TMEM232: variants seen among roughly 807,000 people sequenced by gnomAD.
TMEM232 encodes the protein transmembrane protein 232.
In TMEM232, 80 loss-of-function variants were observed where a neutral mutation model predicts 78.8. The observed-to-expected ratio is 1.01, with a 90% CI of 0.85 to 1.22. The LOEUF is 1.22. Ranked by LOEUF, TMEM232 falls within the 50% of genes most tolerant of loss-of-function variation. The probability of loss-of-function intolerance (pLI) is 0.00; values close to 1 mark genes in which losing one functional copy is unlikely to be tolerated. For missense variants in TMEM232, 881 were observed against 742.2 expected, an observed-to-expected ratio of 1.19 and a Z score of -2.17; for synonymous variants, 297 against 254.3, an observed-to-expected ratio of 1.17 and a Z score of -1.60.
intron 2 of TMEM232, among the ~76,000 whole-genome samples, chr5:110,649,421 CTGTA>C (rs1415602861): frequency 1.3e-5 from 2 of 152,010 alleles, no homozygotes; most frequent in African/African-American, 2.4e-5. Context: ...ATATAGTCTT[CTGTA>C]TGTGTTAGCA....
At chr5:110,499,179 G>A (rs1167198962) in intron 12 of TMEM232, among the ~76,000 whole-genome samples, 2 of 152,018 alleles carry the variant, frequency 1.3e-5, no homozygotes, top group East Asian at 3.8e-4. Flanking sequence ...GCAACACATA[G>A]GAAAAAAGCA....
chr5:110,484,954 T>C (rs1764301203), intron 12 of TMEM232, among the ~76,000 whole-genome samples: 1 of 151,968 alleles, frequency 6.6e-6, no homozygotes, highest in Non-Finnish European at 1.5e-5. Flanking sequence ...CCTGCAAGAA[T>C]AGCCTTAATA....
At chr5:110,588,399 G>C (rs1779111142) in intron 10 of TMEM232, among the ~76,000 whole-genome samples, 2 of 152,034 alleles carry the variant, frequency 1.3e-5, no homozygotes, top group African/African-American at 4.8e-5. Flanking sequence ...TGTAAATCCA[G>C]GCAAAGATGA....
chr5:110,568,487 T>C lies in TMEM232; in HGVS notation c.1415A>G (p.Glu472Gly). The C allele has an allele frequency of 6.5e-7, 1 of 1,548,912 alleles. No individual in the cohort carries two copies. Among genetic ancestry groups the C allele is most frequent in the Non-Finnish European group, 8.7e-7 (1 of 1,145,482 alleles). ...TGCATTTTGGATTCGTACATCTTCC[T>C]CATAATCCTTTGTTTTCTGCAATGT... ...WQTLQKTKDY[E>G]EDVRIQNAIN... Residue 472 changes from glutamate to glycine, a missense_variant, in exon 11 of 14, where the codon GAG becomes GGG. Coordinates refer to ENST00000455884, the MANE Select transcript of TMEM232 (RefSeq NM_001039763.4).
At chr5:110,515,149 T>C (rs1768416995) in intron 12 of TMEM232, among the ~76,000 whole-genome samples, 1 of 152,170 alleles carries the variant, frequency 6.6e-6, no homozygotes, top group Non-Finnish European at 1.5e-5. Context: ...TGTCTATAAA[T>C]GAAGGAAATA....
rs184334727 is a variant in TMEM232 at position 110,580,388 on chromosome 5, G to A, written c.1277-11763C>T. ...TTCAGTACATTAACATACTGTATAT[G>A]TTTGTAGCCTAGGAGCAATAGGCTA... On this transcript the variant is annotated intron_variant, in intron 10 of 13. Transcript: ENST00000455884. Among the ~76,000 whole-genome samples the A allele has an allele frequency of 5.9e-5, 9 of 151,762 alleles. No individual in the cohort carries two copies. The East Asian group carries it at 1.7e-3, about 29-fold the overall frequency.
intron 1 of TMEM232, among the ~76,000 whole-genome samples, chr5:110,669,501 C>A (rs1791080112): frequency 6.6e-6 from 1 of 151,686 alleles, no homozygotes; most frequent in Non-Finnish European, 1.5e-5. Flanking sequence ...GCTCACCAAC[C>A]AAAAAAAAGT....
chr5:110,638,394 A>C, intron 4 of TMEM232, 39 bp from the exon 5 acceptor site: 5 of 1,489,708 alleles, frequency 3.4e-6, no homozygotes, highest in Non-Finnish European at 4.5e-6. Context: ...TCATTTGAAA[A>C]TCATCCTGTT....
chr5:110,717,107 T>C (rs1206447149), intron 1 of TMEM232, among the ~76,000 whole-genome samples: 1 of 152,074 alleles, frequency 6.6e-6, no homozygotes, highest in African/African-American at 2.4e-5. Flanking sequence ...TAAAATTTAT[T>C]CTTCTCAGAC....
At chr5:110,653,385 GC>G (rs1788599029) in intron 2 of TMEM232, among the ~76,000 whole-genome samples, 1 of 152,146 alleles carries the variant, frequency 6.6e-6, no homozygotes, top group Non-Finnish European at 1.5e-5. Context: ...CTAGTTCCTG[GC>G]ATATATTCAG....
intron 1 of TMEM232, among the ~76,000 whole-genome samples, chr5:110,689,846 T>C (rs1449440193): frequency 6.6e-6 from 1 of 152,048 alleles, no homozygotes; most frequent in African/African-American, 2.4e-5. Context: ...TCTACAACCA[T>C]CTGATCTTTG....
At chr5:110,584,930 C>G (rs2149742258) in intron 10 of TMEM232, among the ~76,000 whole-genome samples, 1 of 152,092 alleles carries the variant, frequency 6.6e-6, no homozygotes, top group South Asian at 2.1e-4. Context: ...TTTAAAGTGA[C>G]AAGTTGGAAT....
intron 2 of TMEM232, among the ~76,000 whole-genome samples, chr5:110,650,251 C>G (rs1474338830): frequency 1.3e-5 from 2 of 151,984 alleles, no homozygotes; most frequent in Admixed American, 6.6e-5. Flanking sequence ...TGATTTCCCT[C>G]TCTCCAATAG....
intron 10 of TMEM232, among the ~76,000 whole-genome samples, chr5:110,599,262 C>T (rs150416965): frequency 4.6e-5 from 7 of 152,092 alleles, no homozygotes; most frequent in African/African-American, 1.2e-4. Flanking sequence ...ACTGCATCAA[C>T]TACTGTGCAA....
intron 1 of TMEM232, among the ~76,000 whole-genome samples, chr5:110,695,592 T>C (rs540873587): frequency 1.5e-3 from 235 of 152,024 alleles, no homozygotes; most frequent in African/African-American, 5.6e-3. Context: ...AAGAATCAAA[T>C]AGACACAATA....
intron 12 of TMEM232, among the ~76,000 whole-genome samples, chr5:110,433,036 G>A (rs1037878119): frequency 6.6e-6 from 1 of 151,642 alleles, no homozygotes; most frequent in Non-Finnish European, 1.5e-5. Context: ...AAATAATAGT[G>A]GTGTACTTAA....
chr5:110,425,496 T>A (rs1018935066), intron 12 of TMEM232, among the ~76,000 whole-genome samples: 3 of 152,070 alleles, frequency 2.0e-5, no homozygotes, highest in Non-Finnish European at 4.4e-5. Flanking sequence ...GAGAAAGTCT[T>A]AGGGAAGAGC....
intron 11 of TMEM232, among the ~76,000 whole-genome samples, chr5:110,564,371 A>G (rs1776091044): frequency 6.6e-6 from 1 of 152,018 alleles, no homozygotes; most frequent in African/African-American, 2.4e-5. Context: ...TATTTTATGA[A>G]GAATGAATGG....
At chr5:110,692,714 G>C (rs1794281894) in intron 1 of TMEM232, among the ~76,000 whole-genome samples, 1 of 152,214 alleles carries the variant, frequency 6.6e-6, no homozygotes, top group Non-Finnish European at 1.5e-5. Context: ...TAGCACAGCA[G>C]TCTGAGATCA....
Sources: allele counts gnomAD v4.1 joint callset (sites outside exome capture counted in the v4.1 genomes callset), GRCh38; gene constraint gnomAD v4.1.1; transcripts MANE v1.5; gene names NCBI Gene and HGNC (gene_info 2026-07-23, HGNC 2026-07-21).